SHC3: variants seen among roughly 807,000 people sequenced by gnomAD.
SHC3 encodes the protein SHC adaptor protein 3, also known as SHC-transforming protein 3.
In SHC3, 15 loss-of-function variants were observed where a neutral mutation model predicts 60.4. That is an observed-to-expected ratio of 0.25 (90% CI 0.17 to 0.38). The LOEUF (loss-of-function observed/expected upper bound fraction) is 0.38. SHC3 is among the 10% of genes least tolerant of loss of function. The pLI, the probability that SHC3 is intolerant of heterozygous loss-of-function variation, is 1.00. For synonymous variants in SHC3, 294 were observed against 325.9 expected (o/e 0.90, Z 1.05); for missense variants, 677 against 786.1 (o/e 0.86, Z 1.66).
intron 4 of SHC3, among the ~76,000 whole-genome samples, chr9:89,071,875 A>T (rs1825278344): frequency 6.6e-6 from 1 of 152,196 alleles, no homozygotes; most frequent in Non-Finnish European, 1.5e-5. Context: ...TCTGCCAACG[A>T]AGGCTCTGCC....
intron 1 of SHC3, among the ~76,000 whole-genome samples, chr9:89,153,540 T>A (rs930084347): frequency 1.3e-5 from 2 of 152,226 alleles, no homozygotes; most frequent in Non-Finnish European, 2.9e-5. Context: ...GTTACTGCTG[T>A]GGCCCCAAAA....
Position 89,038,159 on chromosome 9 carries a change from T to A in SHC3, c.1490A>T (p.Glu497Val). 1.2e-6 allele frequency: 2 copies of A among 1,614,012 alleles called. No individual in the cohort carries two copies. The highest frequency in any genetic ancestry group is 1.7e-6 in the Non-Finnish European group (2 of 1,179,994). Residue 497 changes from glutamate (E) to valine (V), a missense_variant, in exon 11 of 12, where the codon GAG becomes GTG. Physicochemically the swap from Glu to Val is moderately radical, Grantham distance 121. Transcript: ENST00000375835. ...DAKMLEELQA[E>V]TWYQGEMSRK... Reference sequence around the variant, plus strand: ...GCTCATCTCTCCTTGGTACCAAGTCTCGGCTTGCAGTTCCTCCAGCATCTT... The same window carrying A: ...GCTCATCTCTCCTTGGTACCAAGTCACGGCTTGCAGTTCCTCCAGCATCTT...
chr9:89,074,691 C>CAAAAAAAAAAAAAAA (rs68051828), intron 4 of SHC3, among the ~76,000 whole-genome samples: 6 of 59,926 alleles, frequency 1.0e-4, no homozygotes, highest in East Asian at 1.2e-3. Flanking sequence ...GCCACTAAAG[C>CAAAAAAAAAAAAAAA]AAAAAAAAAA....
At chr9:89,057,148 T>C (rs1824965724) in intron 6 of SHC3, among the ~76,000 whole-genome samples, 1 of 152,198 alleles carries the variant, frequency 6.6e-6, no homozygotes, top group Non-Finnish European at 1.5e-5. Flanking sequence ...AGGACGGCTG[T>C]CTTTTCATCT....
In SHC3 at chr9:89,102,125, C is replaced by T. The variant is rs150154025; in HGVS notation, c.545+10431G>A. Reference sequence around the variant, plus strand: ...TTAGCATCAAGTTTAACCTAATGCCCCTTATTATTCTCTCAGTGTCTACAG... The same window carrying T: ...TTAGCATCAAGTTTAACCTAATGCCTCTTATTATTCTCTCAGTGTCTACAG... On this transcript the variant is annotated intron_variant, in intron 2 of 11. Transcript: ENST00000375835. 7.1e-3 allele frequency among the ~76,000 whole-genome samples: 1,083 copies of T among 152,086 alleles called. 10 individuals are homozygous for T. Among genetic ancestry groups the T allele is most frequent in the Middle Eastern group, 0.041 (12 of 294 alleles).
At chr9:89,057,704 G>C (rs990710704) in intron 6 of SHC3, among the ~76,000 whole-genome samples, 1 of 152,068 alleles carries the variant, frequency 6.6e-6, no homozygotes, top group African/African-American at 2.4e-5. Flanking sequence ...CTGTGCACAA[G>C]GCCCTGCCCT....
rs546159225 is a variant in SHC3, at chr9:89,099,255, CT to C, written c.545+13300del. Reference sequence around the variant, plus strand: ...TTTTTCTTTACACTTTTAGAGAACTCTTTTAGACTTGCTAATGCATCAATTT... The same window carrying C: ...TTTTTCTTTACACTTTTAGAGAACTCTTTAGACTTGCTAATGCATCAATTT... On this transcript the variant is annotated intron_variant, in intron 2 of 11. Transcript: ENST00000375835. Among the ~76,000 whole-genome samples, 574 of 152,278 alleles carry C rather than the reference CT, an allele frequency of 3.8e-3. 6 individuals carry two copies. Among genetic ancestry groups the C allele is most frequent in the African/African-American group, 0.013 (556 of 41,562 alleles).
chr9:89,105,582 CACTT>C (rs571517150), intron 2 of SHC3, among the ~76,000 whole-genome samples: 256 of 152,276 alleles, frequency 1.7e-3, no homozygotes, highest in Admixed American at 5.6e-3. Context: ...AGAAGGTAAG[CACTT>C]ACTTAGTGTT....
intron 2 of SHC3, among the ~76,000 whole-genome samples, chr9:89,098,048 T>C (rs1054488697): frequency 6.6e-6 from 1 of 152,210 alleles, no homozygotes; most frequent in Non-Finnish European, 1.5e-5. Context: ...ACCTCCATGA[T>C]AATGCACTGG....
intron 2 of SHC3, chr9:89,110,332 T>G: frequency 1.0e-6 from 1 of 984,888 alleles, no homozygotes; most frequent in South Asian, 4.7e-5. Context: ...AAGGTGTGAC[T>G]GGAGTGCCTT....
intron 7 of SHC3, among the ~76,000 whole-genome samples, 174 bp downstream of exon 7, chr9:89,051,863 C>T (rs971414886): frequency 2.0e-5 from 3 of 152,228 alleles, no homozygotes; most frequent in African/African-American, 7.2e-5. Context: ...CATATGTTGG[C>T]TTCCATCTGT....
At chr9:89,154,530 AG>A (rs1826594163) in intron 1 of SHC3, among the ~76,000 whole-genome samples, 1 of 152,226 alleles carries the variant, frequency 6.6e-6, no homozygotes, top group African/African-American at 2.4e-5. Flanking sequence ...CTCCTTTTCC[AG>A]GCTTTTCTCA....
chr9:89,167,932 GC>G (rs1438157981), intron 1 of SHC3, among the ~76,000 whole-genome samples: 1 of 152,164 alleles, frequency 6.6e-6, no homozygotes, highest in Non-Finnish European at 1.5e-5. Flanking sequence ...TGCTGGGCTT[GC>G]CCCCACCTCG....
chr9:89,116,839 A>G (rs1014826898), intron 1 of SHC3, among the ~76,000 whole-genome samples: 9 of 152,204 alleles, frequency 5.9e-5, no homozygotes, highest in Non-Finnish European at 1.2e-4. Context: ...CACCGACACC[A>G]TAACAGAGTG....
chr9:89,007,303 C>T lies in SHC3; in HGVS notation c.*6144G>A, dbSNP rs1301936568. 6.6e-6 allele frequency: 1 copy of T among 152,320 alleles called. No individual in the cohort carries two copies. Among genetic ancestry groups the T allele is most frequent in the African/African-American group, 2.4e-5 (1 of 41,460 alleles). The allele number at this position is 152,320 out of a possible 1,614,324, so 9.4% of individuals were successfully genotyped here. A position where few individuals can be genotyped will look rare whatever the true frequency, so the allele number is the denominator to read the frequency against. ...GTATCTGACGCCTGCAGTGCGAAGC[C>T]TCCAGAGTCCCCAGACTGACCTGGG... On this transcript the variant is annotated 3_prime_UTR_variant, in exon 12 of 12. Coordinates refer to ENST00000375835, the MANE Select transcript of SHC3 (RefSeq NM_016848.6).
intron 2 of SHC3, among the ~76,000 whole-genome samples, chr9:89,101,558 G>A (rs1013540863): frequency 3.3e-5 from 5 of 151,556 alleles, no homozygotes; most frequent in Middle Eastern, 3.4e-3. Flanking sequence ...TATAATGAAT[G>A]TATGTTGAAT....
At chr9:89,061,661 C>A (rs994155873) in intron 6 of SHC3, among the ~76,000 whole-genome samples, 3 of 152,216 alleles carry the variant, frequency 2.0e-5, no homozygotes, top group Non-Finnish European at 4.4e-5. Context: ...TTCAGTTACC[C>A]ATGGTCAACC....
Position 89,063,097 on chromosome 9 carries a change from A to T in SHC3, c.835+2432T>A, listed in dbSNP as rs116033253. Among the ~76,000 whole-genome samples the T allele has an allele frequency of 5.1e-3, 782 of 152,288 alleles. 6 individuals carry two copies. The highest frequency in any genetic ancestry group is 0.018 in the African/African-American group (741 of 41,562). ...TTGACATTCTTTCCTTGAAGGGTAC[A>T]TGTGGCTTCCTTCCCCCTTGAGTCT... On this transcript the variant is annotated intron_variant, in intron 6 of 11. Transcript: ENST00000375835.
At chr9:89,119,823 A>T (rs1352244419) in intron 1 of SHC3, among the ~76,000 whole-genome samples, 2 of 152,222 alleles carry the variant, frequency 1.3e-5, no homozygotes, top group Non-Finnish European at 2.9e-5. Context: ...ACACAAAGAA[A>T]TTTCTGAAGA....
Sources: gnomAD v4.1 joint callset for allele counts (sites outside exome capture counted in the v4.1 genomes callset) on GRCh38, gnomAD v4.1.1 for gene constraint, MANE v1.5 for transcripts, NCBI Gene and HGNC (gene_info 2026-07-23, HGNC 2026-07-21) for gene names.